The following GRIA3 variants were observed in gnomAD, a reference collection of about 807,000 sequenced individuals.
The protein encoded by GRIA3 is glutamate ionotropic receptor AMPA type subunit 3.
GRIA3 carries 3 observed loss-of-function variants against 63.0 expected under a neutral mutation model. The observed-to-expected ratio is 0.05, with a 90% CI of 0.02 to 0.12. GRIA3 has a LOEUF of 0.12. GRIA3 is among the 10% of genes least tolerant of loss of function. GRIA3 has a pLI of 1.00. For synonymous variants in GRIA3, 274 were observed against 257.9 expected, an observed-to-expected ratio of 1.06 and a Z score of -0.60; for missense variants, 347 against 700.9, an observed-to-expected ratio of 0.50 and a Z score of 5.70.
chrX:123,229,831 T>C (rs1021055273), intron 2 of GRIA3, among the ~76,000 whole-genome samples: 8 of 110,198 alleles, frequency 7.3e-5, no homozygotes, highest in African/African-American at 2.7e-4. Flanking sequence ...TATATGGACC[T>C]GAATTGAGAT....
intron 12 of GRIA3, among the ~76,000 whole-genome samples, chrX:123,460,795 G>A (rs1432820881): frequency 9.0e-6 from 1 of 111,630 alleles, no homozygotes; most frequent in South Asian, 3.7e-4. Context: ...ACTAGGAAAT[G>A]TCTACTGAAA....
chrX:123,364,120 CA>C (rs2045195606), intron 5 of GRIA3, among the ~76,000 whole-genome samples: 2 of 112,083 alleles, frequency 1.8e-5, no homozygotes, highest in African/African-American at 6.5e-5. Context: ...AAGTTTAGTC[CA>C]AGCACACAAA....
At position 123,184,578 on chromosome X, in the gene GRIA3, G is replaced by A. The variant is rs140014006; in HGVS notation, c.43G>A (p.Val15Ile). The A allele has an allele frequency of 2.3e-5, 28 of 1,207,995 alleles. No homozygotes were observed. The African/African-American group carries it at 4.6e-4, about 20-fold the overall frequency. Residue 15 changes from valine to isoleucine, a missense_variant, in exon 1 of 16, where the codon GTC becomes ATC. Around this residue, in one of 8 missense-constraint regions of GRIA3, gnomAD observed 36 missense variants for 28.2 expected, o/e 1.28. Coordinates refer to ENST00000620443, the MANE Select transcript of GRIA3 (RefSeq NM_007325.5). The stretch of plus-strand genomic sequence containing the variant: ...AATGGGGCAAAGCGTGCTCCGGGCG[G>A]TCTTCTTTTTAGTCCTGGGGCTTTT... Reference protein sequence around the residue: ...KKMGQSVLRAVFFLVLGLLGH... With the variant: ...KKMGQSVLRAIFFLVLGLLGH...
chrX:123,462,275 C>T (rs1325853503), intron 12 of GRIA3, among the ~76,000 whole-genome samples: 1 of 111,715 alleles, frequency 9.0e-6, no homozygotes, highest in East Asian at 2.8e-4. Context: ...CACCCCTCCT[C>T]AAAATCTTCC....
At chrX:123,237,428 C>T (rs1410351661) in intron 2 of GRIA3, among the ~76,000 whole-genome samples, 1 of 111,726 alleles carries the variant, frequency 9.0e-6, no homozygotes, top group Non-Finnish European at 1.9e-5. Flanking sequence ...CAATGGAGAG[C>T]TTAGGGCCCA....
chrX:123,482,038 C>T (rs2045914860), intron 14 of GRIA3, among the ~76,000 whole-genome samples: 1 of 112,021 alleles, frequency 8.9e-6, no homozygotes, highest in African/African-American at 3.2e-5. Context: ...ATCTAGGACC[C>T]GATGGATCCT....
intron 3 of GRIA3, among the ~76,000 whole-genome samples, chrX:123,256,421 G>T (rs1209380801): frequency 8.9e-6 from 1 of 111,943 alleles, no homozygotes; most frequent in Admixed American, 9.5e-5. Flanking sequence ...ATTTCCAAAG[G>T]ATGTTCAGTG....
intron 11 of GRIA3, 114 bp from the exon 12 acceptor site, chrX:123,427,827 C>T: frequency 1.8e-6 from 1 of 562,310 alleles, no homozygotes; most frequent in South Asian, 2.4e-5. Context: ...CATCTATTTC[C>T]CTCCTTCATC....
chrX:123,255,453 T>C (rs2044414402), intron 3 of GRIA3, among the ~76,000 whole-genome samples: 2 of 110,782 alleles, frequency 1.8e-5, no homozygotes, highest in African/African-American at 6.6e-5. Flanking sequence ...CTAGTGCATA[T>C]CAATTTCGTT....
intron 2 of GRIA3, among the ~76,000 whole-genome samples, chrX:123,214,834 G>T (rs1481104484): frequency 8.9e-6 from 1 of 112,010 alleles, no homozygotes; most frequent in African/African-American, 3.3e-5. Context: ...GTGCTGCTAC[G>T]CAACAGTGTT....
chrX:123,305,283 G>A lies in GRIA3; in HGVS notation c.509-20743G>A, dbSNP rs186742199. ...ACTCTGCTCATGATTCTAACTACTG[G>A]AGAGTGACTTGTTTCACTTACCAAA... On this transcript the variant is annotated intron_variant, in intron 3 of 15. Coordinates refer to ENST00000620443, the MANE Select transcript of GRIA3 (RefSeq NM_007325.5). Among the ~76,000 whole-genome samples, 11 of 111,615 alleles carry A rather than the reference G, an allele frequency of 9.9e-5. No homozygotes were observed. In the East Asian group the frequency reaches 3.1e-3, roughly 31 times the overall value.
chrX:123,261,430 T>C (rs1383705762), intron 3 of GRIA3, among the ~76,000 whole-genome samples: 1 of 112,019 alleles, frequency 8.9e-6, no homozygotes, highest in Non-Finnish European at 1.9e-5. Context: ...TTTCCATAAG[T>C]AGAATATTTC....
intron 4 of GRIA3, among the ~76,000 whole-genome samples, chrX:123,342,396 T>C (rs1350389221): frequency 8.9e-6 from 1 of 112,287 alleles, no homozygotes; most frequent in Non-Finnish European, 1.9e-5. Flanking sequence ...GGTTTGGTTA[T>C]CTTCAGAACC....
intron 3 of GRIA3, among the ~76,000 whole-genome samples, chrX:123,266,398 T>C (rs2044488851): frequency 9.0e-6 from 1 of 111,514 alleles, no homozygotes; most frequent in Admixed American, 9.5e-5. Context: ...CCACACTCAG[T>C]GAATGGCACT....
intron 3 of GRIA3, among the ~76,000 whole-genome samples, chrX:123,266,370 T>C (rs149258584): frequency 1.8e-5 from 2 of 111,519 alleles, no homozygotes; most frequent in East Asian, 5.7e-4. Context: ...CAGAAAACTT[T>C]TGCCTCCACC....
chrX:123,259,928 G>A (rs1029801648), intron 3 of GRIA3, among the ~76,000 whole-genome samples: 1 of 111,288 alleles, frequency 9.0e-6, no homozygotes, highest in Non-Finnish European at 1.9e-5. Flanking sequence ...CCCTATCCTG[G>A]TTGTCTTCCC....
At chrX:123,226,334 C>T (rs764401792) in intron 2 of GRIA3, among the ~76,000 whole-genome samples, 1 of 112,031 alleles carries the variant, frequency 8.9e-6, no homozygotes, top group Admixed American at 9.5e-5. Flanking sequence ...TCCATTCTTT[C>T]TCATTGGCCT....
chrX:123,210,829 C>T (rs985629663), intron 2 of GRIA3, among the ~76,000 whole-genome samples: 1 of 111,705 alleles, frequency 9.0e-6, no homozygotes, highest in Non-Finnish European at 1.9e-5. Context: ...TTCGAAATAC[C>T]TAGATACTAC....
intron 5 of GRIA3, among the ~76,000 whole-genome samples, chrX:123,379,246 A>G (rs2051114133): frequency 9.0e-6 from 1 of 111,422 alleles, no homozygotes; most frequent in South Asian, 3.8e-4. Context: ...TATATACTCT[A>G]TGTTTTATAG....
Sources: allele counts gnomAD v4.1 joint callset (sites outside exome capture counted in the v4.1 genomes callset), GRCh38; gene constraint gnomAD v4.1.1; regional missense constraint gnomAD v4.1.1; transcripts MANE v1.5; gene names NCBI Gene and HGNC (gene_info 2026-07-23, HGNC 2026-07-21).